The following STRN4 variants were observed in gnomAD, a reference collection of about 807,000 sequenced individuals.
STRN4 encodes the protein striatin 4.
Under a neutral mutation model 77.9 loss-of-function variants are expected in STRN4, and 27 were observed. That is an observed-to-expected ratio of 0.35 (90% CI 0.26 to 0.48). STRN4 has a LOEUF of 0.48. Ranked by LOEUF, STRN4 falls within the 20% of genes least tolerant of loss-of-function variation. STRN4 has a pLI of 0.99. For missense variants in STRN4, 798 were observed against 1,049.7 expected, an observed-to-expected ratio of 0.76 and a Z score of 3.31; for synonymous variants, 466 against 443.1, an observed-to-expected ratio of 1.05 and a Z score of -0.65.
rs750487074 is a variant in STRN4, at chr19:46,725,565, C to T, written c.1332G>A (p.Leu444=). The T allele has an allele frequency of 6.2e-7, 1 of 1,614,190 alleles. No individual in the cohort carries two copies. Among genetic ancestry groups the T allele is most frequent in the Non-Finnish European group, 8.5e-7 (1 of 1,180,034 alleles). Residue 444 remains leucine (L), a synonymous_variant, in exon 10 of 18, where the codon CTG becomes CTA. Coordinates refer to ENST00000263280, the MANE Select transcript of STRN4 (RefSeq NM_013403.3). ...GAGCCGACTGGCTGTGGTGGAAGGC[C>T]AGGGAACGAATGCCGTCGTAGTGCG... ...LRSHYDGIRS[L]AFHHSQSALL... is the part of the protein sequence containing the mutation.
rs149603801 is a variant in STRN4, at chr19:46,728,763, A to G, written c.894T>C (p.Ala298=). 269 of 1,614,002 alleles carry G rather than the reference A, an allele frequency of 1.7e-4. No homozygotes were observed. Among genetic ancestry groups the G allele is most frequent in the Non-Finnish European group, 2.1e-4 (253 of 1,179,986 alleles). Reference sequence around the variant, plus strand: ...CCTCGTCTTCCATTTCGGGCACCAGAGCCTTGGATGGGAGCTGGCACATGG... The same window carrying G: ...CCTCGTCTTCCATTTCGGGCACCAGGGCCTTGGATGGGAGCTGGCACATGG... ...KKQRVKLPSK[A]LVPEMEDEDE... is the part of the protein sequence containing the mutation. The change falls in exon 7 of 18, where the codon GCT becomes GCC. Residue 298 remains alanine, a synonymous_variant. Transcript: ENST00000263280.
chr19:46,744,278 G>A (rs1440511879), intron 1 of STRN4, among the ~76,000 whole-genome samples: 2 of 152,206 alleles, frequency 1.3e-5, no homozygotes, highest in Admixed American at 1.3e-4. Context: ...TGGGACAGAA[G>A]TGAGAGCAGT....
In STRN4 at chr19:46,727,473, G is replaced by A. The variant is rs1476764589; in HGVS notation, c.1227C>T (p.Asn409=). ...LGDLADLTVT[N]DNDLSCDLSD... ...TTACATCGCAGCTGAGGTCGTTGTCGTTGGTGACGGTGAGATCTGCCAAGT... is the reference window on the plus strand; with the variant it reads ...TTACATCGCAGCTGAGGTCGTTGTCATTGGTGACGGTGAGATCTGCCAAGT... Residue 409 remains asparagine, a synonymous_variant, in exon 9 of 18, where the codon AAC becomes AAT. Transcript: ENST00000263280. 31 of 1,613,986 alleles carry A rather than the reference G, an allele frequency of 1.9e-5. No individual in the cohort carries two copies. Among genetic ancestry groups the A allele is most frequent in the Non-Finnish European group, 2.3e-5 (27 of 1,179,914 alleles).
In STRN4 at chr19:46,733,076, A is replaced by G; in HGVS notation, c.700T>C (p.Ser234Pro). The G allele has an allele frequency of 6.2e-7, 1 of 1,611,766 alleles. No individual in the cohort carries two copies. The highest frequency in any genetic ancestry group is 8.5e-7 in the Non-Finnish European group (1 of 1,179,000). Residue 234 changes from serine to proline, a missense_variant, in exon 5 of 18, where the codon TCG (serine) becomes CCG (proline). Ser to Pro is a moderately conservative substitution (Grantham distance 74, BLOSUM62 -1). Around this residue, in one of 2 missense-constraint regions of STRN4, gnomAD observed 511 missense variants for 575.9 expected, o/e 0.89. Transcript: ENST00000263280. This position sits in a 1 kb window ranked among gnomAD's most constrained non-coding sequence, Gnocchi z 4.3. ...PGPAGLSGGE[S>P]LLVKQIEEQI... ...TCCTCGATCTGTTTCACCAGCAGCG[A>G]CTCCCCACCACTGAGCCCTGCAGGG...
intron 16 of STRN4, chr19:46,721,433 G>C (rs1451361832): frequency 6.4e-6 from 1 of 156,816 alleles, no homozygotes; most frequent in African/African-American, 2.4e-5. Flanking sequence ...CAGGCCCGGA[G>C]GCAGAGCCCA....
Position 46,736,878 on chromosome 19 carries a change from C to T in STRN4, c.484G>A (p.Val162Ile), listed in dbSNP as rs2054376456. The T allele has an allele frequency of 6.2e-7, 1 of 1,612,930 alleles. No homozygotes were observed. The highest frequency in any genetic ancestry group is 2.2e-5 in the East Asian group (1 of 44,734). Reference sequence around the variant, plus strand: ...ACCAACGGGCTGTTCTCCAGGGTGACCGATTCCACGGGGCCATTGGAGACT... The same window carrying T: ...ACCAACGGGCTGTTCTCCAGGGTGATCGATTCCACGGGGCCATTGGAGACT... ...EQVSNGPVESVTLENSPLVWK... is the reference protein window; with the variant it reads ...EQVSNGPVESITLENSPLVWK... Residue 162 changes from valine to isoleucine, a missense_variant, in exon 4 of 18, where the codon GTC becomes ATC. Val to Ile is a conservative substitution (Grantham distance 29). This residue lies in a region of STRN4 where 511 missense variants were observed against 575.9 expected (regional missense o/e 0.89). Coordinates refer to ENST00000263280, the MANE Select transcript of STRN4 (RefSeq NM_013403.3).
intron 1 of STRN4, among the ~76,000 whole-genome samples, chr19:46,744,939 C>T (rs537559599): frequency 4.9e-4 from 75 of 152,160 alleles, no homozygotes; most frequent in African/African-American, 1.6e-3. Flanking sequence ...TAGCCCAACT[C>T]CTCAGACTCT....
chr19:46,728,216 A>G, intron 7 of STRN4: 1 of 672,946 alleles, frequency 1.5e-6, no homozygotes, highest in Non-Finnish European at 2.7e-6. Context: ...CCTAGGCCTC[A>G]GGCCCCAGCC....
chr19:46,732,713 G>A (rs986524893), intron 5 of STRN4: 1 of 330,682 alleles, frequency 3.0e-6, no homozygotes, highest in South Asian at 4.0e-5. Flanking sequence ...TGGCGACCAC[G>A]TGTGCTCCAC....
At chr19:46,729,454 C>T (rs2054199361) in intron 6 of STRN4, among the ~76,000 whole-genome samples, 3 of 152,158 alleles carry the variant, frequency 2.0e-5, no homozygotes, top group African/African-American at 4.8e-5. Flanking sequence ...CGACACCTCT[C>T]GGGCACCAGT....
chr19:46,721,675 C>T (rs1276107169), intron 16 of STRN4: 2 of 333,086 alleles, frequency 6.0e-6, no homozygotes, highest in African/African-American at 4.2e-5. Context: ...TAGACCTGGA[C>T]TGATGTTACA....
intron 3 of STRN4, among the ~76,000 whole-genome samples, chr19:46,737,614 C>T (rs2054394080): frequency 6.6e-6 from 1 of 151,482 alleles, no homozygotes. Context: ...ACCCTTTCAG[C>T]GTGCGTCTCT....
Position 46,733,415 on chromosome 19 carries a change from T to C in STRN4, c.540-179A>G, listed in dbSNP as rs2054295482. On this transcript the variant is annotated intron_variant, in intron 4 of 17. Transcript: ENST00000263280. The surrounding 1 kb of genome is among the most constrained non-coding windows in gnomAD (Gnocchi z 4.3). ...TCAAGGCTATTTCCAGTGGAAGCCC[T>C]TGTACACACACACAATGCTATGTGT... 2 of 620,964 alleles carry C rather than the reference T, an allele frequency of 3.2e-6. No homozygotes were observed. Among genetic ancestry groups the C allele is most frequent in the South Asian group, 1.9e-5 (1 of 53,446 alleles). The allele number at this position is 620,964 out of a possible 1,614,324, so 38.5% of individuals were successfully genotyped here.
chr19:46,726,499 A>AT (rs56106073), intron 9 of STRN4, among the ~76,000 whole-genome samples: 3 of 142,556 alleles, frequency 2.1e-5, no homozygotes, highest in African/African-American at 7.8e-5. Context: ...AAAAAAAAAA[A>AT]GGTAGCCTCA....
Position 46,743,063 on chromosome 19 carries a change from A to G in STRN4, c.282+3086T>C, listed in dbSNP as rs2054502035. On this transcript the variant is annotated intron_variant, in intron 1 of 17. Transcript: ENST00000263280. ...GGGACGCTATGCAGCTATCAAAAAGAAAGAGTTCTCTGTGCTGATATGAAA... is the reference window on the plus strand; with the variant it reads ...GGGACGCTATGCAGCTATCAAAAAGGAAGAGTTCTCTGTGCTGATATGAAA... 2.0e-5 allele frequency among the ~76,000 whole-genome samples: 3 copies of G among 152,358 alleles called. No homozygotes were observed. The South Asian group carries it at 6.2e-4, about 32-fold the overall frequency.
intron 12 of STRN4, 120 bp downstream of exon 12, chr19:46,724,687 C>T (rs1002046047): frequency 4.8e-6 from 7 of 1,447,918 alleles, no homozygotes; most frequent in African/African-American, 2.8e-5. Context: ...ACAGGGGAGC[C>T]GTCACACGCA....
At position 46,722,035 on chromosome 19, in the gene STRN4, T is replaced by C; in HGVS notation, c.2043A>G (p.Ala681=). The C allele has an allele frequency of 8.1e-6, 13 of 1,613,502 alleles. No homozygotes were observed. Among genetic ancestry groups the C allele is most frequent in the Non-Finnish European group, 1.0e-5 (12 of 1,180,026 alleles). ...TGGGGTCCACGGCTAGGCAGGTGAC[T>C]GCGTCCAGGTGTGCAACCATGGAGT... ...PVHSMVAHLD[A]VTCLAVDPNG... is the part of the protein sequence containing the mutation. Residue 681 remains alanine, a synonymous_variant, in exon 16 of 18, where the codon GCA becomes GCG. Coordinates refer to ENST00000263280, the MANE Select transcript of STRN4 (RefSeq NM_013403.3).
chr19:46,732,076 G>A (rs1387016742), intron 5 of STRN4: 1 of 152,010 alleles, frequency 6.6e-6, no homozygotes, highest in Non-Finnish European at 1.5e-5. Flanking sequence ...ACCAAACCCT[G>A]GAGTCGCTCG....
chr19:46,746,380 G>A lies in STRN4; in HGVS notation c.51C>T (p.Cys17=). Residue 17 remains cysteine (C), a synonymous_variant, in exon 1 of 18, where the codon TGC becomes TGT. Coordinates refer to ENST00000263280, the MANE Select transcript of STRN4 (RefSeq NM_013403.3). ...GGCCCGCGCCTGAGCCGAGCGGACGGCAGGAGGAGGCGGCGGCGGCGACCG... is the reference window on the plus strand; with the variant it reads ...GGCCCGCGCCTGAGCCGAGCGGACGACAGGAGGAGGCGGCGGCGGCGACCG... ...AAAVAAAASS[C]RPLGSGAGPG... 1 of 1,119,868 alleles carries A rather than the reference G, an allele frequency of 8.9e-7. No individual in the cohort carries two copies. Among genetic ancestry groups the A allele is most frequent in the South Asian group, 4.3e-5 (1 of 23,274 alleles). 69.4% of individuals were successfully genotyped at this position (1,119,868 alleles called of 1,614,324 possible).
Sources: gnomAD v4.1 joint callset for allele counts (sites outside exome capture counted in the v4.1 genomes callset) on GRCh38, gnomAD v4.1.1 for gene constraint, gnomAD v4.1.1 regional missense constraint, Gnocchi (gnomAD v3.1) non-coding constraint, MANE v1.5 for transcripts, NCBI Gene and HGNC (gene_info 2026-07-23, HGNC 2026-07-21) for gene names.